Variants in MTMR2 observed in about 807,000 individuals in gnomAD.
MTMR2 encodes myotubularin related protein 2.
A neutral mutation model predicts 86.9 loss-of-function variants in MTMR2; 55 were observed. The observed-to-expected ratio is 0.63, with a 90% confidence interval of 0.51 to 0.79. The LOEUF (loss-of-function observed/expected upper bound fraction) is 0.79. Ranked by LOEUF, MTMR2 falls within the 30% of genes least tolerant of loss-of-function variation. MTMR2 has a pLI of 0.00. For missense variants in MTMR2, 659 were observed against 772.3 expected (o/e 0.85, Z 1.74); for synonymous variants, 241 against 266.8 (o/e 0.90, Z 0.94).
intron 3 of MTMR2, 99 bp from the exon 4 acceptor site, chr11:95,862,465 G>T: frequency 1.1e-6 from 1 of 927,412 alleles, no homozygotes; most frequent in Non-Finnish European, 1.7e-6. Context: ...ACTAATTTAT[G>T]CTGAAAAATA....
chr11:95,886,674 T>C (rs997488675), intron 2 of MTMR2, among the ~76,000 whole-genome samples: 1 of 152,160 alleles, frequency 6.6e-6, no homozygotes, highest in Non-Finnish European at 1.5e-5. Context: ...GTAGCATAAG[T>C]GACATCCCTT....
At chr11:95,905,494 A>G (rs1866238689) in intron 1 of MTMR2, among the ~76,000 whole-genome samples, 1 of 152,186 alleles carries the variant, frequency 6.6e-6, no homozygotes, top group Non-Finnish European at 1.5e-5. Flanking sequence ...TAAGACATAA[A>G]TTTAGAGCAA....
intron 1 of MTMR2, among the ~76,000 whole-genome samples, chr11:95,911,047 T>C (rs1866486818): frequency 6.6e-6 from 1 of 152,168 alleles, no homozygotes; most frequent in Non-Finnish European, 1.5e-5. Flanking sequence ...GAACCCTGCA[T>C]TAAACTTAGC....
intron 2 of MTMR2, among the ~76,000 whole-genome samples, chr11:95,884,736 G>T (rs1865456115): frequency 6.6e-6 from 1 of 151,958 alleles, no homozygotes. Flanking sequence ...TTTGAAATCA[G>T]GCCAGATTTT....
chr11:95,832,910 A>G lies in MTMR2; in HGVS notation c.*2380T>C, dbSNP rs1000810365. ...TTGTAACAGAGCTTTATTGCAATTC[A>G]TTTCAAATAAGGTTATGTTTACAGA... On this transcript the variant is annotated 3_prime_UTR_variant, in exon 15 of 15. Coordinates refer to ENST00000346299, the MANE Select transcript of MTMR2 (RefSeq NM_016156.6). 3.9e-5 allele frequency: 6 copies of G among 152,150 alleles called. No homozygotes were observed. Among genetic ancestry groups the G allele is most frequent in the African/African-American group, 1.2e-4 (5 of 41,438 alleles). The allele number at this position is 152,150 out of a possible 1,614,324, so 9.4% of individuals were successfully genotyped here. A position where few individuals can be genotyped will look rare whatever the true frequency, so the allele number is the denominator to read the frequency against.
intron 14 of MTMR2, 36 bp from the exon 15 acceptor site, chr11:95,835,487 A>G: frequency 6.2e-7 from 1 of 1,605,858 alleles, no homozygotes; most frequent in Non-Finnish European, 8.5e-7. Context: ...CAACTAGGCA[A>G]TCCTGACCAA....
chr11:95,847,330 T>C (rs1456716557), intron 10 of MTMR2, among the ~76,000 whole-genome samples: 1 of 152,134 alleles, frequency 6.6e-6, no homozygotes, highest in Non-Finnish European at 1.5e-5. Flanking sequence ...TATACGTTGG[T>C]TGACACACAA....
chr11:95,874,959 A>C (rs1260476429), intron 2 of MTMR2, among the ~76,000 whole-genome samples: 1 of 152,050 alleles, frequency 6.6e-6, no homozygotes, highest in African/African-American at 2.4e-5. Context: ...TTCTGCCGAG[A>C]GATCAGCTGT....
At chr11:95,870,008 T>A (rs962373783) in intron 2 of MTMR2, among the ~76,000 whole-genome samples, 1 of 152,188 alleles carries the variant, frequency 6.6e-6, no homozygotes, top group Admixed American at 6.5e-5. Flanking sequence ...ACTCATAGAA[T>A]GTACACTTAA....
intron 7 of MTMR2, among the ~76,000 whole-genome samples, chr11:95,856,360 A>G (rs942038920): frequency 6.7e-6 from 1 of 150,192 alleles, no homozygotes; most frequent in African/African-American, 2.4e-5. Flanking sequence ...AAAGGGGGGG[A>G]AGTGAATAAT....
At chr11:95,900,538 A>T (rs111992359) in intron 1 of MTMR2, among the ~76,000 whole-genome samples, 4,761 of 152,334 alleles carry the variant, frequency 0.031, 135 homozygotes, top group South Asian at 0.073. Flanking sequence ...AAGTTAAGGT[A>T]TGGAGGCACG....
At chr11:95,842,470 C>T (rs962800054) in intron 11 of MTMR2, among the ~76,000 whole-genome samples, 16 of 152,150 alleles carry the variant, frequency 1.1e-4, no homozygotes, top group Admixed American at 9.8e-4. Context: ...TATTAGCACA[C>T]ATCTTAGAAA....
intron 1 of MTMR2, chr11:95,914,122 T>C (rs1057174537): frequency 5.5e-6 from 5 of 908,726 alleles, no homozygotes; most frequent in South Asian, 5.1e-5. Context: ...GGAACTGAAG[T>C]TTGAAACTAC....
chr11:95,871,776 T>A (rs1864898672), intron 2 of MTMR2, among the ~76,000 whole-genome samples: 1 of 152,250 alleles, frequency 6.6e-6, no homozygotes, highest in South Asian at 2.1e-4. Context: ...TTGTTGCCAT[T>A]GCTTTTGCTG....
chr11:95,849,695 A>G lies in MTMR2; in HGVS notation c.972T>C (p.Ser324=), dbSNP rs1302120601. The G allele has an allele frequency of 6.2e-7, 1 of 1,614,022 alleles. No homozygotes were observed. Among genetic ancestry groups the G allele is most frequent in the South Asian group, 1.1e-5 (1 of 91,070 alleles). The change falls in exon 9 of 15, where the codon AGT becomes AGC. Residue 324 remains serine, a synonymous_variant. Transcript: ENST00000346299. ...HKIFIFDARP[S]VNAVANKAKG... Reference sequence around the variant, plus strand: ...TGACCTTGTTGGCAACAGCATTAACACTTGGCCGGGCATCAAATATAAAGA... The same window carrying G: ...TGACCTTGTTGGCAACAGCATTAACGCTTGGCCGGGCATCAAATATAAAGA...
intron 5 of MTMR2, among the ~76,000 whole-genome samples, chr11:95,858,870 T>C (rs1013506103): frequency 2.0e-5 from 3 of 152,162 alleles, no homozygotes; most frequent in Admixed American, 6.5e-5. Context: ...TTACCTATGC[T>C]TATGGACTCA....
At chr11:95,874,542 T>A in intron 2 of MTMR2, among the ~76,000 whole-genome samples, 1 of 152,058 alleles carries the variant, frequency 6.6e-6, no homozygotes. Flanking sequence ...TCTTGACTCT[T>A]TATCCAATTT....
chr11:95,901,436 C>G (rs1202135280), intron 1 of MTMR2, among the ~76,000 whole-genome samples: 1 of 152,122 alleles, frequency 6.6e-6, no homozygotes, highest in Non-Finnish European at 1.5e-5. Context: ...TTCTCACAGC[C>G]AATCAGAAAG....
chr11:95,857,071 T>C (rs1189331998), intron 7 of MTMR2, among the ~76,000 whole-genome samples: 1 of 152,174 alleles, frequency 6.6e-6, no homozygotes, highest in Non-Finnish European at 1.5e-5. Flanking sequence ...TTTAGCTCTC[T>C]GGTGGTGGTT....
Sources: allele counts gnomAD v4.1 joint callset (sites outside exome capture counted in the v4.1 genomes callset), GRCh38; gene constraint gnomAD v4.1.1; transcripts MANE v1.5; gene names NCBI Gene and HGNC (gene_info 2026-07-23, HGNC 2026-07-21).